Variants in EPHA6 observed in about 807,000 individuals in gnomAD.
EPHA6 encodes EPH receptor A6.
Under a neutral mutation model 112.0 loss-of-function variants are expected in EPHA6, and 50 were observed. That is an observed-to-expected ratio of 0.45 (90% CI 0.36 to 0.56). The LOEUF (loss-of-function observed/expected upper bound fraction) is 0.56. Ranked by LOEUF, EPHA6 falls within the 20% of genes least tolerant of loss-of-function variation. EPHA6 has a pLI of 0.00. For synonymous variants in EPHA6, 529 were observed against 490.7 expected (o/e 1.08, Z -1.03); for missense variants, 1,280 against 1,417.4 (o/e 0.90, Z 1.56).
intron 3 of EPHA6, among the ~76,000 whole-genome samples, chr3:97,025,982 C>T (rs2107997596): frequency 6.6e-6 from 1 of 152,232 alleles, no homozygotes; most frequent in South Asian, 2.1e-4. Flanking sequence ...AGCCAGTTCT[C>T]CCAGCACCAT....
chr3:97,101,252 A>T (rs1221756773), intron 3 of EPHA6, among the ~76,000 whole-genome samples: 2 of 152,044 alleles, frequency 1.3e-5, no homozygotes, highest in African/African-American at 4.8e-5. Context: ...AGCTTTGCAG[A>T]TATCTATTCT....
intron 1 of EPHA6, among the ~76,000 whole-genome samples, chr3:96,855,515 C>G (rs1382930617): frequency 6.6e-6 from 1 of 151,920 alleles, no homozygotes; most frequent in East Asian, 1.9e-4. Context: ...AGGTGGTGCC[C>G]ATTTAATGGG....
At chr3:97,589,450 C>A (rs952930430) in intron 11 of EPHA6, among the ~76,000 whole-genome samples, 1 of 152,014 alleles carries the variant, frequency 6.6e-6, no homozygotes, top group African/African-American at 2.4e-5. Flanking sequence ...TAACTAGCAA[C>A]TTTTTAAGAT....
chr3:97,414,027 G>A (rs2087927197), intron 6 of EPHA6, among the ~76,000 whole-genome samples: 1 of 151,644 alleles, frequency 6.6e-6, no homozygotes, highest in Admixed American at 6.6e-5. Context: ...TCATTATTTG[G>A]GGCTACAAGT....
Position 96,892,952 on chromosome 3 carries a change from A to ATGTGTGTG in EPHA6, c.450+26064_450+26065insGTGTGTGT, listed in dbSNP as rs755651627. Among the ~76,000 whole-genome samples, 1,323 of 140,790 alleles carry ATGTGTGTG rather than the reference A, an allele frequency of 9.4e-3. 14 individuals are homozygous for ATGTGTGTG. The highest frequency in any genetic ancestry group is 0.038 in the African/African-American group (1,256 of 33,202). The allele number at this position is 140,790 out of a possible 152,430, so 92.4% of individuals were successfully genotyped here. On this transcript the variant is annotated intron_variant, in intron 2 of 17. Transcript: ENST00000389672. ...GCCTGATTCCAACTTATATATATAT[A>ATGTGTGTG]TATGTGTGTGTGTGTGTGTGTGTGT... is the stretch of plus-strand genomic sequence containing the variant.
chr3:97,695,565 G>A (rs1047887832), intron 14 of EPHA6, among the ~76,000 whole-genome samples: 3 of 151,996 alleles, frequency 2.0e-5, no homozygotes, highest in Non-Finnish European at 2.9e-5. Flanking sequence ...TATTTAAGAC[G>A]GAGTCTCGCT....
chr3:97,165,673 G>C (rs1334337574), intron 3 of EPHA6, among the ~76,000 whole-genome samples: 2 of 152,130 alleles, frequency 1.3e-5, no homozygotes, highest in African/African-American at 4.8e-5. Flanking sequence ...GACTCTACTG[G>C]TTAAGTTTTC....
At chr3:97,464,562 T>G (rs1032753809) in intron 7 of EPHA6, among the ~76,000 whole-genome samples, 4 of 152,008 alleles carry the variant, frequency 2.6e-5, no homozygotes, top group Non-Finnish European at 5.9e-5. Context: ...AAGCAAAGAT[T>G]GTCCTTAGGA....
At chr3:96,948,576 A>C (rs2041387389) in intron 2 of EPHA6, among the ~76,000 whole-genome samples, 1 of 152,222 alleles carries the variant, frequency 6.6e-6, no homozygotes, top group African/African-American at 2.4e-5. Context: ...ATTAAAATAA[A>C]TGAATAAAAT....
At chr3:97,187,038 A>T (rs1477764026) in intron 3 of EPHA6, among the ~76,000 whole-genome samples, 1 of 152,154 alleles carries the variant, frequency 6.6e-6, no homozygotes, top group African/African-American at 2.4e-5. Context: ...TTCTGTAATA[A>T]GTCTTGCATT....
At chr3:97,083,166 C>A (rs1243492097) in intron 3 of EPHA6, among the ~76,000 whole-genome samples, 34 of 151,912 alleles carry the variant, frequency 2.2e-4, no homozygotes, top group Non-Finnish European at 2.9e-5. Context: ...AAGACAGATG[C>A]TGCCTCAAAT....
intron 13 of EPHA6, chr3:97,612,322 G>C: frequency 2.7e-6 from 1 of 366,576 alleles, no homozygotes; most frequent in Non-Finnish European, 5.3e-6. Flanking sequence ...ATCATCTAAT[G>C]ATGCTTGGGT....
At chr3:96,975,314 C>A (rs1318099492) in intron 2 of EPHA6, among the ~76,000 whole-genome samples, 1 of 152,044 alleles carries the variant, frequency 6.6e-6, no homozygotes, top group African/African-American at 2.4e-5. Context: ...TAATAATTGG[C>A]TAGCAATGAG....
chr3:97,089,342 T>C (rs1391923679), intron 3 of EPHA6, among the ~76,000 whole-genome samples: 1 of 152,148 alleles, frequency 6.6e-6, no homozygotes, highest in Non-Finnish European at 1.5e-5. Flanking sequence ...GTTTGCTTTT[T>C]TAACATTTGA....
At chr3:97,692,619 A>T (rs2032742938) in intron 14 of EPHA6, among the ~76,000 whole-genome samples, 1 of 152,300 alleles carries the variant, frequency 6.6e-6, no homozygotes, top group South Asian at 2.1e-4. Flanking sequence ...AGTGCCTTGT[A>T]AAAAGCACTG....
At chr3:97,388,720 A>G (rs2086221905) in intron 5 of EPHA6, among the ~76,000 whole-genome samples, 1 of 152,154 alleles carries the variant, frequency 6.6e-6, no homozygotes, top group Non-Finnish European at 1.5e-5. Context: ...CTCTGCTTTC[A>G]GGCAGATAAA....
chr3:97,433,221 A>G (rs940149058), intron 6 of EPHA6, among the ~76,000 whole-genome samples: 1 of 152,162 alleles, frequency 6.6e-6, no homozygotes, highest in African/African-American at 2.4e-5. Flanking sequence ...AATTGTTGTG[A>G]TAAAAGAAAT....
At chr3:97,417,878 TATA>T (rs2088261222) in intron 6 of EPHA6, among the ~76,000 whole-genome samples, 1 of 152,010 alleles carries the variant, frequency 6.6e-6, no homozygotes, top group Admixed American at 6.6e-5. Context: ...GCTCTCAAAA[TATA>T]AGACTCAGAC....
intron 2 of EPHA6, among the ~76,000 whole-genome samples, chr3:96,923,957 T>C (rs2039905138): frequency 6.6e-6 from 1 of 152,166 alleles, no homozygotes; most frequent in Admixed American, 6.6e-5. Context: ...ATCTTATGTC[T>C]GGTTTCTCTA....
Sources: allele counts gnomAD v4.1 joint callset (sites outside exome capture counted in the v4.1 genomes callset), GRCh38; gene constraint gnomAD v4.1.1; transcripts MANE v1.5; gene names NCBI Gene and HGNC (gene_info 2026-07-23, HGNC 2026-07-21).